PDSS2: variants seen among roughly 807,000 people sequenced by gnomAD.
The protein encoded by PDSS2 is decaprenyl diphosphate synthase subunit 2.
In PDSS2, 31 loss-of-function variants were observed where a neutral mutation model predicts 44.5. The ratio of observed to expected loss-of-function variants is 0.70; its 90% CI spans 0.52 to 0.94. The LOEUF is 0.94. PDSS2 is among the 40% of genes least tolerant of loss of function. PDSS2 has a pLI of 0.00. For missense variants in PDSS2, 452 were observed against 482.2 expected, an observed-to-expected ratio of 0.94 and a Z score of 0.59; for synonymous variants, 157 against 180.3, an observed-to-expected ratio of 0.87 and a Z score of 1.03.
intron 2 of PDSS2, among the ~76,000 whole-genome samples, chr6:107,299,498 C>T (rs1438522442): frequency 1.3e-5 from 2 of 152,116 alleles, no homozygotes; most frequent in African/African-American, 4.8e-5. Flanking sequence ...AAGCAACAAC[C>T]ATGAGGAAAG....
At chr6:107,458,199 C>T (rs1782109596) in intron 1 of PDSS2, among the ~76,000 whole-genome samples, 1 of 149,702 alleles carries the variant, frequency 6.7e-6, no homozygotes, top group Admixed American at 6.6e-5. Flanking sequence ...AAAAAAAAAA[C>T]TTTTGGCCGG....
intron 2 of PDSS2, among the ~76,000 whole-genome samples, chr6:107,317,132 C>A (rs1777226654): frequency 6.6e-6 from 1 of 152,128 alleles, no homozygotes; most frequent in African/African-American, 2.4e-5. Flanking sequence ...AGGAGTATGG[C>A]CAACCTCTCC....
chr6:107,202,894 A>G (rs1772834760), intron 6 of PDSS2, among the ~76,000 whole-genome samples: 1 of 151,928 alleles, frequency 6.6e-6, no homozygotes. Flanking sequence ...GATATACTAG[A>G]GTAAGGCGAG....
At chr6:107,408,874 C>T (rs770720910) in intron 1 of PDSS2, among the ~76,000 whole-genome samples, 22 of 152,212 alleles carry the variant, frequency 1.4e-4, no homozygotes, top group African/African-American at 3.1e-4. Context: ...CTCCAAGCTA[C>T]GAAGGAAAAT....
chr6:107,157,658 T>C (rs1285995440), intron 7 of PDSS2, among the ~76,000 whole-genome samples: 1 of 151,592 alleles, frequency 6.6e-6, no homozygotes, highest in African/African-American at 2.4e-5. Flanking sequence ...TCTGGAGTAG[T>C]GTATTGTTTT....
intron 7 of PDSS2, among the ~76,000 whole-genome samples, chr6:107,157,642 T>C (rs1554245888): frequency 2.0e-5 from 3 of 151,758 alleles, no homozygotes; most frequent in Non-Finnish European, 4.4e-5. Context: ...GTACTCCCTG[T>C]GCACATCTGG....
chr6:107,291,525 G>GT lies in PDSS2; in HGVS notation c.432-17299dup, dbSNP rs71012791. Among the ~76,000 whole-genome samples the GT allele has an allele frequency of 4.7e-3, 624 of 132,786 alleles. 1 individual carries two copies. Among genetic ancestry groups the GT allele is most frequent in the Non-Finnish European group, 5.7e-3 (356 of 62,578 alleles). 87.1% of individuals were successfully genotyped at this position (132,786 alleles called of 152,430 possible). On this transcript the variant is annotated intron_variant, in intron 2 of 7. Coordinates refer to ENST00000369037, the MANE Select transcript of PDSS2 (RefSeq NM_020381.4). ...ACCATACCCAGCTAATTTTTAGTTA[G>GT]TTTTTTTTTTTTTTTTAAGTAGAGA...
At chr6:107,322,472 T>A (rs1199615640) in intron 2 of PDSS2, among the ~76,000 whole-genome samples, 1 of 152,090 alleles carries the variant, frequency 6.6e-6, no homozygotes, top group Non-Finnish European at 1.5e-5. Flanking sequence ...TGAGCTGTGA[T>A]CGGGCCACTG....
intron 1 of PDSS2, among the ~76,000 whole-genome samples, chr6:107,457,978 A>G (rs1365920603): frequency 6.6e-6 from 1 of 152,188 alleles, no homozygotes; most frequent in Non-Finnish European, 1.5e-5. Context: ...GATTCAGAAA[A>G]AAATATATAG....
chr6:107,350,874 G>A (rs1268411437), intron 1 of PDSS2, among the ~76,000 whole-genome samples: 1 of 151,686 alleles, frequency 6.6e-6, no homozygotes, highest in Non-Finnish European at 1.5e-5. Flanking sequence ...CTTTTCCCTG[G>A]GGGAAAAAAA....
At chr6:107,283,311 G>A (rs1257965393) in intron 2 of PDSS2, among the ~76,000 whole-genome samples, 2 of 145,826 alleles carry the variant, frequency 1.4e-5, no homozygotes, top group African/African-American at 5.1e-5. Context: ...GGGCGACAGA[G>A]TGAGACCCTG....
chr6:107,354,452 C>T (rs534359588), intron 1 of PDSS2, among the ~76,000 whole-genome samples: 29 of 152,324 alleles, frequency 1.9e-4, no homozygotes, highest in African/African-American at 7.0e-4. Context: ...TACACAGCGG[C>T]AGCTTTCAGA....
intron 1 of PDSS2, among the ~76,000 whole-genome samples, chr6:107,364,516 C>T (rs556243136): frequency 6.6e-6 from 1 of 152,378 alleles, no homozygotes; most frequent in African/African-American, 2.4e-5. Flanking sequence ...CCGGGGCCAG[C>T]AGGGCTGGCT....
chr6:107,242,539 T>G (rs928227295), intron 4 of PDSS2, among the ~76,000 whole-genome samples: 14 of 151,888 alleles, frequency 9.2e-5, no homozygotes, highest in Admixed American at 5.9e-4. Flanking sequence ...CCACCACGCC[T>G]GGCCAAAAAT....
In PDSS2 at chr6:107,274,141, G is replaced by A; in HGVS notation, c.518C>T (p.Ser173Leu). 4 of 1,613,404 alleles carry A rather than the reference G, an allele frequency of 2.5e-6. No homozygotes were observed. Among genetic ancestry groups the A allele is most frequent in the Non-Finnish European group, 3.4e-6 (4 of 1,179,334 alleles). Residue 173 changes from serine to leucine, a missense_variant, in exon 3 of 8, where the codon TCA (serine) becomes TTA (leucine). By Grantham distance (145) the Ser-to-Leu change is moderately radical. Coordinates refer to ENST00000369037, the MANE Select transcript of PDSS2 (RefSeq NM_020381.4). ...RGIVNLNELQ[S>L]SDGPLKDMQF... Reference sequence around the variant, plus strand: ...CATGTCTTTCAGTGGACCATCAGATGATTGCAACTCATTTAAATTTACTAT... The same window carrying A: ...CATGTCTTTCAGTGGACCATCAGATAATTGCAACTCATTTAAATTTACTAT...
At chr6:107,356,881 T>C (rs1778610750) in intron 1 of PDSS2, among the ~76,000 whole-genome samples, 1 of 152,210 alleles carries the variant, frequency 6.6e-6, no homozygotes, top group African/African-American at 2.4e-5. Flanking sequence ...CCGCAAGTCA[T>C]TTATTCTTTC....
chr6:107,256,331 T>C (rs1408087870), intron 3 of PDSS2, among the ~76,000 whole-genome samples: 1 of 152,134 alleles, frequency 6.6e-6, no homozygotes, highest in African/African-American at 2.4e-5. Flanking sequence ...TGAAAACAAA[T>C]TGGCTTAGAT....
intron 1 of PDSS2, among the ~76,000 whole-genome samples, chr6:107,426,433 C>T (rs1781007011): frequency 1.3e-5 from 2 of 152,244 alleles, no homozygotes; most frequent in South Asian, 4.1e-4. Context: ...CATGGAGAAC[C>T]TCTGGTAGGG....
intron 2 of PDSS2, among the ~76,000 whole-genome samples, chr6:107,284,361 C>A (rs1359469350): frequency 2.0e-5 from 3 of 151,962 alleles, no homozygotes; most frequent in African/African-American, 7.3e-5. Context: ...CAACATCCAG[C>A]TTTAAAATTT....
Sources: gnomAD v4.1 joint callset for allele counts (sites outside exome capture counted in the v4.1 genomes callset) on GRCh38, gnomAD v4.1.1 for gene constraint, MANE v1.5 for transcripts, NCBI Gene and HGNC (gene_info 2026-07-23, HGNC 2026-07-21) for gene names.